DMXL1: variants seen among roughly 807,000 people sequenced by gnomAD.
DMXL1 encodes the protein Dmx like 1, also known as dmX-like protein 1.
In DMXL1, 99 loss-of-function variants were observed where a neutral mutation model predicts 319.2. The ratio of observed to expected loss-of-function variants is 0.31; its 90% confidence interval spans 0.26 to 0.37. The LOEUF (loss-of-function observed/expected upper bound fraction) is 0.37, where lower values mean the gene tolerates loss of function less well. DMXL1 is among the 10% of genes least tolerant of loss of function. The pLI is 1.00. For missense variants in DMXL1, 3,745 were observed against 3,595.6 expected, an observed-to-expected ratio of 1.04 and a Z score of -1.06; for synonymous variants, 1,385 against 1,235.2, an observed-to-expected ratio of 1.12 and a Z score of -2.54.
chr5:119,148,835 G>A lies in DMXL1; in HGVS notation c.3008G>A (p.Arg1003Lys), dbSNP rs772855056. ...SDEKVRFWRC[R>K]VTDGESATSK... The stretch of plus-strand genomic sequence containing the variant: ...GAGAAAGTAAGATTCTGGAGATGCA[G>A]AGTAACAGATGGAGAATCTGCCACG... The change falls in exon 18 of 44, where the codon AGA becomes AAA. Residue 1003 changes from arginine to lysine, a missense_variant. This residue lies in a region of DMXL1 where 2,096 missense variants were observed against 1,985.4 expected (regional missense o/e 1.06). Transcript: ENST00000539542. 5 of 1,613,698 alleles carry A rather than the reference G, an allele frequency of 3.1e-6. No individual in the cohort carries two copies. Among genetic ancestry groups the A allele is most frequent in the Non-Finnish European group, 3.4e-6 (4 of 1,179,752 alleles).
intron 29 of DMXL1, 129 bp from the exon 30 acceptor site, chr5:119,193,699 G>A (rs1779103611): frequency 2.2e-6 from 2 of 915,110 alleles, no homozygotes; most frequent in Non-Finnish European, 3.3e-6. Flanking sequence ...AGGATGGTAA[G>A]ATAATAGTTA....
At chr5:119,195,085 CAAAA>C (rs934842268) in intron 30 of DMXL1, among the ~76,000 whole-genome samples, 2 of 146,382 alleles carry the variant, frequency 1.4e-5, no homozygotes, top group Non-Finnish European at 3.1e-5. Flanking sequence ...AAAACAAAAA[CAAAA>C]AAAATAACAG....
intron 1 of DMXL1, among the ~76,000 whole-genome samples, chr5:119,089,292 A>ATATATATAT (rs1193170456): frequency 7.5e-5 from 3 of 39,884 alleles, no homozygotes; most frequent in East Asian, 4.0e-3. Context: ...ATATATATAT[A>ATATATATAT]TTTTTTTTTT....
Position 119,216,925 on chromosome 5 carries a change from G to A in DMXL1, c.7951G>A (p.Gly2651Arg). 6.3e-7 allele frequency: 1 copy of A among 1,598,814 alleles called. No homozygotes were observed. Among genetic ancestry groups the A allele is most frequent in the Non-Finnish European group, 8.5e-7 (1 of 1,173,088 alleles). ...NKIEADLGYP[G>R]GKARIIHKES... ...GATAGAAGCAGATTTGGGATATCCT[G>A]GAGGTAAAGCAAGAATTATTCATAA... is the stretch of plus-strand genomic sequence containing the variant. Residue 2651 changes from glycine to arginine, a missense_variant, in exon 35 of 44, where the codon GGA becomes AGA. Gly to Arg is a moderately radical substitution (Grantham distance 125, BLOSUM62 -2). Around this residue, in one of 4 missense-constraint regions of DMXL1, gnomAD observed 1,382 missense variants for 1,269.5 expected, o/e 1.09. Transcript: ENST00000539542.
At chr5:119,197,644 T>C in intron 31 of DMXL1, 111 bp from the exon 32 acceptor site, 1 of 954,726 alleles carries the variant, frequency 1.0e-6, no homozygotes, top group Admixed American at 2.4e-5. Context: ...TTCATCTCAG[T>C]CTTTTTTTTT....
At chr5:119,123,004 C>A (rs1481152082) in intron 9 of DMXL1, among the ~76,000 whole-genome samples, 2 of 152,262 alleles carry the variant, frequency 1.3e-5, no homozygotes, top group Admixed American at 1.3e-4. Flanking sequence ...TGCACTCCAG[C>A]CTGGGCACCA....
intron 19 of DMXL1, among the ~76,000 whole-genome samples, chr5:119,155,144 A>G (rs1770718494): frequency 6.6e-6 from 1 of 152,242 alleles, no homozygotes; most frequent in African/African-American, 2.4e-5. Context: ...AAGGAGATTA[A>G]TATAGTTTTT....
At chr5:119,089,302 T>TGCA (rs1561549963) in intron 1 of DMXL1, among the ~76,000 whole-genome samples, 8 of 76,576 alleles carry the variant, frequency 1.0e-4, no homozygotes, top group African/African-American at 3.5e-4. Context: ...ATTTTTTTTT[T>TGCA]TTTTTTTTTT....
intron 1 of DMXL1, among the ~76,000 whole-genome samples, chr5:119,083,885 TA>T (rs1382349926): frequency 9.2e-5 from 14 of 152,204 alleles, no homozygotes; most frequent in Admixed American, 6.5e-5. Flanking sequence ...GTAGTGGTTT[TA>T]CTAATTTACA....
At chr5:119,072,687 T>G (rs1431877680) in intron 1 of DMXL1, among the ~76,000 whole-genome samples, 1 of 152,250 alleles carries the variant, frequency 6.6e-6, no homozygotes, top group Non-Finnish European at 1.5e-5. Context: ...TAAATAATAC[T>G]CAGCATTTAA....
At chr5:119,138,255 A>G (rs796182664) in intron 13 of DMXL1, among the ~76,000 whole-genome samples, 48 of 152,358 alleles carry the variant, frequency 3.2e-4, no homozygotes, top group African/African-American at 9.9e-4. Context: ...TGTGTGAGAA[A>G]AAAAGAGGAC....
At chr5:119,210,757 GTTTTTTTTTT>G in intron 34 of DMXL1, among the ~76,000 whole-genome samples, 12 of 89,778 alleles carry the variant, frequency 1.3e-4, no homozygotes, top group Non-Finnish European at 1.7e-4. Flanking sequence ...TTTTTCTTTC[GTTTTTTTTTT>G]TTTTTTTTTG....
chr5:119,083,040 T>C (rs900385362), intron 1 of DMXL1, among the ~76,000 whole-genome samples: 3 of 152,046 alleles, frequency 2.0e-5, no homozygotes, highest in African/African-American at 7.3e-5. Flanking sequence ...GTTTGTTTTG[T>C]CAGAGTCTCA....
intron 8 of DMXL1, among the ~76,000 whole-genome samples, chr5:119,119,328 T>G (rs1196445940): frequency 6.6e-6 from 1 of 152,172 alleles, no homozygotes; most frequent in Non-Finnish European, 1.5e-5. Flanking sequence ...TTCTTAGAGC[T>G]TGAGTAGTTT....
chr5:119,154,065 G>A (rs1353120704), intron 19 of DMXL1, among the ~76,000 whole-genome samples: 1 of 152,204 alleles, frequency 6.6e-6, no homozygotes, highest in East Asian at 1.9e-4. Context: ...ATCAATAAAT[G>A]TTGTGTGTAC....
At chr5:119,182,724 A>C (rs1157950310) in intron 28 of DMXL1, among the ~76,000 whole-genome samples, 1 of 152,060 alleles carries the variant, frequency 6.6e-6, no homozygotes, top group Non-Finnish European at 1.5e-5. Context: ...AACTTAATCA[A>C]ATTTTTTTTG....
At chr5:119,240,936 G>C (rs889869989) in intron 42 of DMXL1, among the ~76,000 whole-genome samples, 1 of 152,082 alleles carries the variant, frequency 6.6e-6, no homozygotes, top group African/African-American at 2.4e-5. Context: ...AAATTCACAA[G>C]TATAGCAAGG....
In DMXL1 at chr5:119,110,219, G is replaced by A; in HGVS notation, c.433G>A (p.Glu145Lys). Residue 145 changes from glutamate to lysine, a missense_variant, in exon 5 of 44, where the codon GAA (glutamate) becomes AAA (lysine). This residue lies in a region of DMXL1 where 2,096 missense variants were observed against 1,985.4 expected (regional missense o/e 1.06). Transcript: ENST00000539542. ...WSNTNLEKPTEDENLNKTDLN... is the reference protein window; with the variant it reads ...WSNTNLEKPTKDENLNKTDLN... ...CAATACTAACTTGGAGAAGCCAACTGAAGATGAAAATTTAAATAAAACAGA... is the reference window on the plus strand; with the variant it reads ...CAATACTAACTTGGAGAAGCCAACTAAAGATGAAAATTTAAATAAAACAGA... 1.3e-6 allele frequency: 2 copies of A among 1,588,098 alleles called. No individual in the cohort carries two copies. The highest frequency in any genetic ancestry group is 1.7e-6 in the Non-Finnish European group (2 of 1,173,110).
intron 16 of DMXL1, 123 bp from the exon 17 acceptor site, chr5:119,147,126 A>G: frequency 9.0e-7 from 1 of 1,110,416 alleles, no homozygotes; most frequent in Non-Finnish European, 1.3e-6. Flanking sequence ...TCTGTGAAGA[A>G]TCATATTAAT....
Sources: gnomAD v4.1 joint callset for allele counts (sites outside exome capture counted in the v4.1 genomes callset) on GRCh38, gnomAD v4.1.1 for gene constraint, gnomAD v4.1.1 regional missense constraint, MANE v1.5 for transcripts, NCBI Gene and HGNC (gene_info 2026-07-23, HGNC 2026-07-21) for gene names.